The following UNC5B variants were observed in gnomAD, a reference collection of about 807,000 sequenced individuals.
UNC5B encodes netrin receptor UNC5B.
Under a neutral mutation model 103.7 loss-of-function variants are expected in UNC5B, and 56 were observed. The observed-to-expected ratio is 0.54, with a 90% CI of 0.44 to 0.67. UNC5B has a LOEUF of 0.67. Ranked by LOEUF, UNC5B falls within the 30% of genes least tolerant of loss-of-function variation. UNC5B has a pLI of 0.00. For missense variants in UNC5B, 1,194 were observed against 1,284.5 expected, an observed-to-expected ratio of 0.93 and a Z score of 1.08; for synonymous variants, 577 against 542.0, an observed-to-expected ratio of 1.06 and a Z score of -0.90.
At chr10:71,247,700 C>A (rs1013221716) in intron 1 of UNC5B, among the ~76,000 whole-genome samples, 21 of 152,334 alleles carry the variant, frequency 1.4e-4, no homozygotes, top group South Asian at 2.1e-4. Flanking sequence ...CCACAGCACC[C>A]ACACTGGGAC....
At chr10:71,288,868 C>A in intron 7 of UNC5B, 90 bp from the exon 8 acceptor site, 2 of 1,566,744 alleles carry the variant, frequency 1.3e-6, no homozygotes, top group South Asian at 2.3e-5. Context: ...CCACCACATC[C>A]ATCATCTCAT....
intron 15 of UNC5B, among the ~76,000 whole-genome samples, chr10:71,297,081 C>G (rs1184054107): frequency 6.6e-6 from 1 of 152,142 alleles, no homozygotes. Flanking sequence ...GCACACCACG[C>G]TGGTGGAGGT....
In UNC5B at chr10:71,291,543, C is replaced by T. The variant is rs772572699; in HGVS notation, c.1406C>T (p.Thr469Ile). Residue 469 changes from threonine to isoleucine, a missense_variant, in exon 10 of 17, where the codon ACC becomes ATC. Thr to Ile is a moderately conservative substitution (Grantham distance 89, BLOSUM62 -1). Transcript: ENST00000335350. ...LQDSTDKIPM[T>I]NSPLLDPLPS... ...GACTCCACCGACAAAATCCCCATGA[C>T]CAACTCTCCTCTGCTGGACCCCTTA... 9.3e-6 allele frequency: 15 copies of T among 1,614,192 alleles called. 1 individual carries two copies. The South Asian group carries it at 1.4e-4, about 15-fold the overall frequency.
At chr10:71,227,619 T>TACACATATACATATATATAC (rs1169508873) in intron 1 of UNC5B, among the ~76,000 whole-genome samples, 24 of 129,758 alleles carry the variant, frequency 1.8e-4, no homozygotes, top group African/African-American at 8.4e-4. Context: ...TACATATATA[T>TACACATATACATATATATAC]ACATATATAC....
At position 71,284,757 on chromosome 10, in the gene UNC5B, G is replaced by C. The variant is rs747993177; in HGVS notation, c.342G>C (p.Arg114=). 5.7e-6 allele frequency: 9 copies of C among 1,580,576 alleles called. No individual in the cohort carries two copies. Among genetic ancestry groups the C allele is most frequent in the African/African-American group, 3.0e-5 (2 of 66,846 alleles). Residue 114 remains arginine, a synonymous_variant, in exon 3 of 17, where the codon CGG becomes CGC. Coordinates refer to ENST00000335350, the MANE Select transcript of UNC5B (RefSeq NM_170744.5). ...GCGAGGTGCAGATCGAGGTGTCGCG[G>C]CAGCAGGTGGAGGAGCTCTTTGGGC... ...RVREVQIEVS[R]QQVEELFGLE...
At chr10:71,260,204 A>C (rs901282526) in intron 1 of UNC5B, among the ~76,000 whole-genome samples, 3 of 152,188 alleles carry the variant, frequency 2.0e-5, no homozygotes, top group Non-Finnish European at 4.4e-5. Flanking sequence ...TGAGATCCAA[A>C]ACTCAGCTTG....
intron 1 of UNC5B, among the ~76,000 whole-genome samples, chr10:71,238,392 T>C (rs894239683): frequency 2.0e-5 from 3 of 152,198 alleles, no homozygotes; most frequent in Admixed American, 1.3e-4. Flanking sequence ...TCACTCCTGT[T>C]CTCAATCCTG....
chr10:71,291,205 C>T, intron 9 of UNC5B, 96 bp downstream of exon 9: 2 of 1,459,530 alleles, frequency 1.4e-6, no homozygotes, highest in Non-Finnish European at 9.3e-7. Context: ...TGACTCCCTC[C>T]CAGGGTTTTT....
chr10:71,296,039 C>T, intron 14 of UNC5B, 79 bp downstream of exon 14: 1 of 1,587,844 alleles, frequency 6.3e-7, no homozygotes, highest in Non-Finnish European at 8.6e-7. Flanking sequence ...CGGGCCCTGC[C>T]TCCTAGCTCT....
intron 8 of UNC5B, among the ~76,000 whole-genome samples, chr10:71,289,654 G>A (rs1273695651): frequency 6.6e-6 from 1 of 152,270 alleles, no homozygotes; most frequent in East Asian, 1.9e-4. Flanking sequence ...TGGGGGTCGG[G>A]CTGGGGATGA....
chr10:71,275,776 T>C (rs2132294803), intron 1 of UNC5B, among the ~76,000 whole-genome samples: 1 of 152,056 alleles, frequency 6.6e-6, no homozygotes, highest in Non-Finnish European at 1.5e-5. Context: ...ACAGGGAAGC[T>C]GTGGGATATT....
In UNC5B at chr10:71,291,766, C is replaced by T. The variant is rs771767460; in HGVS notation, c.1629C>T (p.Ser543=). ...TGGGCCTGCCCCGAGACCCAGGGAGCAGCGTCAGCGGCACCTTTGGCTGCC... is the reference window on the plus strand; with the variant it reads ...TGGGCCTGCCCCGAGACCCAGGGAGTAGCGTCAGCGGCACCTTTGGCTGCC... ...QLLGLPRDPG[S]SVSGTFGCLG... The change falls in exon 10 of 17, where the codon AGC becomes AGT. Residue 543 remains serine, a synonymous_variant. Transcript: ENST00000335350. 1 of 1,608,518 alleles carries T rather than the reference C, an allele frequency of 6.2e-7. No individual in the cohort carries two copies. The highest frequency in any genetic ancestry group is 2.2e-5 in the East Asian group (1 of 44,872).
intron 1 of UNC5B, among the ~76,000 whole-genome samples, chr10:71,253,128 C>T (rs1564717496): frequency 2.0e-5 from 3 of 152,198 alleles, no homozygotes; most frequent in African/African-American, 4.8e-5. Flanking sequence ...ACCTCCTCAC[C>T]TGTGGACTCT....
intron 1 of UNC5B, among the ~76,000 whole-genome samples, chr10:71,276,796 C>T (rs1369278062): frequency 6.6e-6 from 1 of 152,240 alleles, no homozygotes. Flanking sequence ...AGAGTCCACT[C>T]ATGGTCCCTC....
chr10:71,281,588 C>A (rs1371076514), intron 2 of UNC5B, among the ~76,000 whole-genome samples: 3 of 152,368 alleles, frequency 2.0e-5, no homozygotes, highest in East Asian at 1.9e-4. Context: ...GATCCCCCGG[C>A]CTTGGCCTCC....
At chr10:71,288,913 C>T in intron 7 of UNC5B, 45 bp from the exon 8 acceptor site, 3 of 1,606,354 alleles carry the variant, frequency 1.9e-6, no homozygotes, top group Non-Finnish European at 2.6e-6. Context: ...GCCACCCTTT[C>T]CCTGTCACCT....
intron 8 of UNC5B, among the ~76,000 whole-genome samples, chr10:71,289,250 A>C (rs138722504): frequency 1.3e-3 from 193 of 152,350 alleles, no homozygotes; most frequent in African/African-American, 3.9e-3. Flanking sequence ...AGTCACAGAG[A>C]GAGGAAGGGA....
chr10:71,281,819 A>G (rs908906208), intron 2 of UNC5B, among the ~76,000 whole-genome samples: 10 of 152,304 alleles, frequency 6.6e-5, no homozygotes, highest in African/African-American at 2.4e-4. Context: ...TACACATAGC[A>G]CAGAACAGCA....
At chr10:71,265,939 G>A (rs1031283273) in intron 1 of UNC5B, among the ~76,000 whole-genome samples, 2 of 152,130 alleles carry the variant, frequency 1.3e-5, no homozygotes, top group African/African-American at 2.4e-5. Flanking sequence ...AGGTGGGAAC[G>A]GTGAAGGTGC....
Sources: allele counts gnomAD v4.1 joint callset (sites outside exome capture counted in the v4.1 genomes callset), GRCh38; gene constraint gnomAD v4.1.1; transcripts MANE v1.5; gene names NCBI Gene and HGNC (gene_info 2026-07-23, HGNC 2026-07-21).